NSD2: variants seen among roughly 807,000 people sequenced by gnomAD.
The protein encoded by NSD2 is nuclear receptor binding SET domain protein 2.
A neutral mutation model predicts 139.0 loss-of-function variants in NSD2; 12 were observed. The ratio of observed to expected loss-of-function variants is 0.09; its 90% CI spans 0.06 to 0.14. The LOEUF is 0.14. Ranked by LOEUF, NSD2 falls within the 10% of genes least tolerant of loss-of-function variation. The pLI is 1.00. For synonymous variants in NSD2, 669 were observed against 648.7 expected (o/e 1.03, Z -0.48); for missense variants, 1,155 against 1,745.0 (o/e 0.66, Z 6.02).
rs1560757150 is a variant in NSD2, at chr4:1,955,271, T to G, written c.2449T>G (p.Phe817Val). 1 of 1,614,144 alleles carries G rather than the reference T, an allele frequency of 6.2e-7. No homozygotes were observed. Among genetic ancestry groups the G allele is most frequent in the Non-Finnish European group, 8.5e-7 (1 of 1,180,012 alleles). Reference sequence around the variant, plus strand: ...CAACAGCATCATCTGCACTGCCCACTTCACTGCTCGGAAGGGGAAGCGACA... The same window carrying G: ...CAACAGCATCATCTGCACTGCCCACGTCACTGCTCGGAAGGGGAAGCGACA... ...ASNSIICTAH[F>V]TARKGKRHHA... Residue 817 changes from phenylalanine (F) to valine (V), a missense_variant, in exon 13 of 22, where the codon TTC becomes GTC. Phe to Val is a conservative substitution (Grantham distance 50). This residue lies in a region of NSD2 where 120 missense variants were observed against 239.3 expected (regional missense o/e 0.50). Coordinates refer to ENST00000508803, the MANE Select transcript of NSD2 (RefSeq NM_001042424.3). This position sits in a 1 kb window ranked among gnomAD's most constrained non-coding sequence, Gnocchi z 4.7.
intron 17 of NSD2, 119 bp downstream of exon 17, chr4:1,959,859 A>AT (rs869287697): frequency 1.2e-5 from 16 of 1,389,022 alleles, no homozygotes; most frequent in South Asian, 7.3e-5. Flanking sequence ...TGGAAAAAAA[A>AT]TTTTTTTTGT....
At chr4:1,932,795 TC>T (rs1446611132) in intron 6 of NSD2, among the ~76,000 whole-genome samples, 2 of 152,136 alleles carry the variant, frequency 1.3e-5, no homozygotes, top group Non-Finnish European at 1.5e-5. Flanking sequence ...GTTGCTTGTT[TC>T]TGTAAGAAGC....
intron 1 of NSD2, among the ~76,000 whole-genome samples, chr4:1,872,839 C>T (rs1713973074): frequency 6.6e-6 from 1 of 152,148 alleles, no homozygotes; most frequent in South Asian, 2.1e-4. Context: ...GGAGCCATCC[C>T]ATTTATGAAC....
At position 1,980,753 on chromosome 4, in the gene NSD2, T is replaced by C. The variant is rs755058552; in HGVS notation, c.*1844T>C. Reference sequence around the variant, plus strand: ...GGAAACGAGCTGTGTAGCCACTGACTTGCTCGCGCGGCCGTGGCCTCTGAG... The same window carrying C: ...GGAAACGAGCTGTGTAGCCACTGACCTGCTCGCGCGGCCGTGGCCTCTGAG... On this transcript the variant is annotated 3_prime_UTR_variant, in exon 22 of 22. Coordinates refer to ENST00000508803, the MANE Select transcript of NSD2 (RefSeq NM_001042424.3). 100 of 233,062 alleles carry C rather than the reference T, an allele frequency of 4.3e-4. No homozygotes were observed. Among genetic ancestry groups the C allele is most frequent in the Non-Finnish European group, 7.1e-4 (84 of 117,996 alleles). The allele number at this position is 233,062 out of a possible 1,614,324, so 14.4% of individuals were successfully genotyped here.
intron 1 of NSD2, chr4:1,899,364 G>T (rs925357052): frequency 6.6e-6 from 1 of 152,218 alleles, no homozygotes; most frequent in African/African-American, 2.4e-5. Flanking sequence ...TGCAGGAGAT[G>T]CAGCAGCATC....
Position 1,981,309 on chromosome 4 carries a change from T to C in NSD2, c.*2400T>C, listed in dbSNP as rs1727740627. The C allele has an allele frequency of 4.3e-6, 1 of 233,402 alleles. No homozygotes were observed. Among genetic ancestry groups the C allele is most frequent in the Non-Finnish European group, 8.5e-6 (1 of 118,104 alleles). The allele number at this position is 233,402 out of a possible 1,614,324, so 14.5% of individuals were successfully genotyped here. The stretch of plus-strand genomic sequence containing the variant: ...AGGCTTTGGGGTAGCGGCCCTGAGC[T>C]TGCAGGGTTTCTCGCCACTGGGGCT... On this transcript the variant is annotated 3_prime_UTR_variant, in exon 22 of 22. Transcript: ENST00000508803.
chr4:1,944,736 A>G, intron 9 of NSD2: 2 of 1,064,896 alleles, frequency 1.9e-6, no homozygotes, highest in Non-Finnish European at 2.3e-6. Flanking sequence ...TGGGCCATCA[A>G]GCCTTTATAT....
In NSD2 at chr4:1,981,985, G is replaced by A; in HGVS notation, c.*3076G>A. 2.5e-6 allele frequency: 1 copy of A among 398,536 alleles called. No homozygotes were observed. The highest frequency in any genetic ancestry group is 2.1e-5 in the African/African-American group (1 of 48,714). The allele number at this position is 398,536 out of a possible 1,614,324, so 24.7% of individuals were successfully genotyped here. On this transcript the variant is annotated 3_prime_UTR_variant, in exon 22 of 22. Coordinates refer to ENST00000508803, the MANE Select transcript of NSD2 (RefSeq NM_001042424.3). ...TATTGGTGTCTAAACTTCATACAATGTAAGGTCAGATTCCTTTTAGGAATA... is the reference window on the plus strand; with the variant it reads ...TATTGGTGTCTAAACTTCATACAATATAAGGTCAGATTCCTTTTAGGAATA...
At chr4:1,871,906 C>G (rs1324547407) in intron 1 of NSD2, among the ~76,000 whole-genome samples, 1 of 147,424 alleles carries the variant, frequency 6.8e-6, no homozygotes, top group Non-Finnish European at 1.5e-5. Flanking sequence ...TTGGGCCCGG[C>G]CGGGCCCTGC....
In NSD2 at chr4:1,942,201, G is replaced by A. The variant is rs914569032; in HGVS notation, c.1881+2423G>A. 6 of 1,469,412 alleles carry A rather than the reference G, an allele frequency of 4.1e-6. No homozygotes were observed. The highest frequency in any genetic ancestry group is 5.4e-6 in the Non-Finnish European group (6 of 1,113,706). The allele number at this position is 1,469,412 out of a possible 1,614,324, so 91.0% of individuals were successfully genotyped here. A position where few individuals can be genotyped will look rare whatever the true frequency, so the allele number is the denominator to read the frequency against. On this transcript the variant is annotated intron_variant, in intron 9 of 21. Transcript: ENST00000508803. The surrounding 1 kb of genome is among the most constrained non-coding windows in gnomAD (Gnocchi z 4.0). ...TTACATGGTACTACATCACCCTGAG[G>A]AAGAGAATAAATTAAAATTACACAC...
intron 5 of NSD2, among the ~76,000 whole-genome samples, chr4:1,925,552 C>T (rs1004486007): frequency 1.3e-5 from 2 of 150,936 alleles, no homozygotes; most frequent in African/African-American, 2.4e-5. Flanking sequence ...GCACATGCCA[C>T]CACATCCGGC....
intron 5 of NSD2, among the ~76,000 whole-genome samples, chr4:1,922,527 C>T (rs1297818883): frequency 6.6e-6 from 1 of 152,186 alleles, no homozygotes; most frequent in Non-Finnish European, 1.5e-5. Flanking sequence ...AAACTTCCAA[C>T]AGGAATTTAT....
intron 20 of NSD2, 52 bp downstream of exon 20, chr4:1,975,452 C>T: frequency 6.5e-7 from 1 of 1,529,924 alleles, no homozygotes; most frequent in Non-Finnish European, 9.0e-7. Flanking sequence ...GCATTTTGCA[C>T]TCCTGGAGAC....
chr4:1,930,503 G>A, intron 5 of NSD2, 123 bp from the exon 6 acceptor site: 1 of 1,015,696 alleles, frequency 9.8e-7, no homozygotes, highest in Non-Finnish European at 1.4e-6. Flanking sequence ...ATAGTTCCAC[G>A]ATGTGGGAAT....
At chr4:1,940,411 G>C in intron 9 of NSD2, 3 of 1,063,210 alleles carry the variant, frequency 2.8e-6, no homozygotes, top group Non-Finnish European at 3.4e-6. Flanking sequence ...GCTGCTGCCT[G>C]CCATCATTGT....
Position 1,917,594 on chromosome 4 carries a change from G to A in NSD2, c.928-547G>A, listed in dbSNP as rs191945846. Reference sequence around the variant, plus strand: ...TGGAATTACAGGTGCCTGCCACCACGCCTGGCTAATTTTTGTATTTTTAGT... The same window carrying A: ...TGGAATTACAGGTGCCTGCCACCACACCTGGCTAATTTTTGTATTTTTAGT... On this transcript the variant is annotated intron_variant, in intron 4 of 21. Coordinates refer to ENST00000508803, the MANE Select transcript of NSD2 (RefSeq NM_001042424.3). Among the ~76,000 whole-genome samples, 398 of 151,974 alleles carry A rather than the reference G, an allele frequency of 2.6e-3. 3 individuals carry two copies. Among genetic ancestry groups the A allele is most frequent in the African/African-American group, 9.2e-3 (382 of 41,454 alleles).
In NSD2 at chr4:1,979,329, C is replaced by T. The variant is rs576874274; in HGVS notation, c.*420C>T. On this transcript the variant is annotated 3_prime_UTR_variant, in exon 22 of 22. Transcript: ENST00000508803. The stretch of plus-strand genomic sequence containing the variant: ...GCGTTGCCCCCTTTCTGGCTCTCAG[C>T]GCCGTCGCCACTCGGGAGAGGCTGG... The T allele has an allele frequency of 3.3e-5, 8 of 240,120 alleles. No individual in the cohort carries two copies. The highest frequency in any genetic ancestry group is 1.8e-4 in the South Asian group (1 of 5,640). 14.9% of individuals were successfully genotyped at this position (240,120 alleles called of 1,614,324 possible). A position where few individuals can be genotyped will look rare whatever the true frequency, so the allele number is the denominator to read the frequency against.
intron 1 of NSD2, among the ~76,000 whole-genome samples, chr4:1,875,913 AAAG>A (rs1714222622): frequency 1.4e-5 from 2 of 146,334 alleles, no homozygotes; most frequent in Admixed American, 1.4e-4. Flanking sequence ...TCTCAAAAAA[AAAG>A]AATTCAAGAC....
Position 1,905,849 on chromosome 4 carries a change from C to T in NSD2, c.760+1471C>T, listed in dbSNP as rs144570751. 5.3e-4 allele frequency among the ~76,000 whole-genome samples: 81 copies of T among 152,228 alleles called. 1 individual carries two copies. Among genetic ancestry groups the T allele is most frequent in the African/African-American group, 1.8e-3 (75 of 41,530 alleles). ...TCGGGGATTCCTTTCCAAGGGGTTG[C>T]GGGAACCCCAGGGTGTACCCCAGGG... On this transcript the variant is annotated intron_variant, in intron 3 of 21. Coordinates refer to ENST00000508803, the MANE Select transcript of NSD2 (RefSeq NM_001042424.3).
Sources: allele counts gnomAD v4.1 joint callset (sites outside exome capture counted in the v4.1 genomes callset), GRCh38; gene constraint gnomAD v4.1.1; regional missense constraint gnomAD v4.1.1; non-coding constraint Gnocchi (gnomAD v3.1); transcripts MANE v1.5; gene names NCBI Gene and HGNC (gene_info 2026-07-23, HGNC 2026-07-21).